The following WWTR1 variants were observed in gnomAD, a reference collection of about 807,000 sequenced individuals.
WWTR1 encodes the protein WW domain containing transcription regulator 1.
Under a neutral mutation model 40.1 loss-of-function variants are expected in WWTR1, and 13 were observed. That is an observed-to-expected ratio of 0.32 (90% CI 0.21 to 0.52). The LOEUF (loss-of-function observed/expected upper bound fraction) is 0.52, where lower values mean the gene tolerates loss of function less well. WWTR1 is among the 20% of genes least tolerant of loss of function. WWTR1 has a pLI of 0.97. For synonymous variants in WWTR1, 230 were observed against 210.1 expected, an observed-to-expected ratio of 1.09 and a Z score of -0.82; for missense variants, 436 against 523.1, an observed-to-expected ratio of 0.83 and a Z score of 1.63.
At chr3:149,673,309 A>G (rs1714155848) in intron 1 of WWTR1, among the ~76,000 whole-genome samples, 1 of 152,226 alleles carries the variant, frequency 6.6e-6, no homozygotes, top group Admixed American at 6.5e-5. Context: ...AATTTCATAG[A>G]AGTAGGTTTT....
At chr3:149,670,155 G>T (rs2108189619) in intron 1 of WWTR1, among the ~76,000 whole-genome samples, 2 of 152,348 alleles carry the variant, frequency 1.3e-5, no homozygotes, top group South Asian at 4.1e-4. Flanking sequence ...AACAGTGCAA[G>T]CAATTTTACA....
chr3:149,650,288 T>C (rs1416367026), intron 2 of WWTR1: 2 of 152,208 alleles, frequency 1.3e-5, no homozygotes, highest in African/African-American at 2.4e-5. Flanking sequence ...GGCCACACAA[T>C]TGGCATGAGA....
intron 2 of WWTR1, among the ~76,000 whole-genome samples, chr3:149,633,395 T>C (rs369139453): frequency 1.3e-5 from 2 of 152,068 alleles, no homozygotes; most frequent in African/African-American, 2.4e-5. Flanking sequence ...CTCTAAAAAA[T>C]AAAATATATA....
chr3:149,648,133 T>C (rs1712640136), intron 2 of WWTR1, among the ~76,000 whole-genome samples: 1 of 152,218 alleles, frequency 6.6e-6, no homozygotes, highest in Non-Finnish European at 1.5e-5. Context: ...GAGACTTCTC[T>C]GAACACCCAG....
intron 1 of WWTR1, among the ~76,000 whole-genome samples, chr3:149,670,206 A>T (rs1345999099): frequency 6.6e-6 from 1 of 152,208 alleles, no homozygotes; most frequent in African/African-American, 2.4e-5. Context: ...CTGTCCTCAC[A>T]GTGACTCTAT....
chr3:149,686,747 A>C (rs1476335486), intron 1 of WWTR1, among the ~76,000 whole-genome samples: 2 of 152,198 alleles, frequency 1.3e-5, no homozygotes, highest in Non-Finnish European at 2.9e-5. Flanking sequence ...GATAAATACT[A>C]AGCAGGCACT....
At chr3:149,563,360 C>T (rs1262464698) in intron 3 of WWTR1, among the ~76,000 whole-genome samples, 1 of 152,106 alleles carries the variant, frequency 6.6e-6, no homozygotes, top group Non-Finnish European at 1.5e-5. Context: ...ATTCTCAGGC[C>T]CACTCTCTGC....
intron 4 of WWTR1, among the ~76,000 whole-genome samples, chr3:149,534,858 T>C (rs150692554): frequency 1.3e-5 from 2 of 152,244 alleles, no homozygotes; most frequent in African/African-American, 4.8e-5. Context: ...ACGGGTGATG[T>C]GTAAAATAGC....
chr3:149,651,958 T>C (rs1351399810), intron 2 of WWTR1, among the ~76,000 whole-genome samples: 1 of 148,514 alleles, frequency 6.7e-6, no homozygotes, highest in Non-Finnish European at 1.5e-5. Context: ...GCCTCCTGAG[T>C]AGGACTACAG....
At chr3:149,652,325 C>T (rs1044491092) in intron 2 of WWTR1, among the ~76,000 whole-genome samples, 17 of 151,626 alleles carry the variant, frequency 1.1e-4, no homozygotes, top group African/African-American at 3.4e-4. Context: ...TCAAGAAATA[C>T]TATCCAAAGT....
At chr3:149,661,568 T>C (rs557480534), upstream of WWTR1, among the ~76,000 whole-genome samples, 4 of 151,714 alleles carry the variant, frequency 2.6e-5, no homozygotes, top group Non-Finnish European at 5.9e-5. Flanking sequence ...ACTACAGACG[T>C]GCACCACCAC....
intron 2 of WWTR1, among the ~76,000 whole-genome samples, chr3:149,622,037 C>T (rs1482362814): frequency 1.3e-5 from 2 of 152,178 alleles, no homozygotes; most frequent in Non-Finnish European, 2.9e-5. Flanking sequence ...CCCACACCCT[C>T]CTCCTGCACA....
upstream of WWTR1, among the ~76,000 whole-genome samples, chr3:149,704,528 G>T (rs146443820): frequency 2.6e-5 from 4 of 152,310 alleles, no homozygotes; most frequent in Non-Finnish European, 5.9e-5. Context: ...TTGAAAAAAG[G>T]CTTATATAAT....
intron 2 of WWTR1, among the ~76,000 whole-genome samples, chr3:149,627,597 A>T (rs898479201): frequency 6.6e-5 from 10 of 152,172 alleles, no homozygotes; most frequent in Non-Finnish European, 1.5e-4. Flanking sequence ...CCCCCAAATC[A>T]AGCTGGTCAA....
intron 3 of WWTR1, among the ~76,000 whole-genome samples, chr3:149,564,009 C>A (rs1167859712): frequency 5.3e-5 from 8 of 152,190 alleles, no homozygotes. Context: ...CCGCCTTGGC[C>A]TCCCAAAGCG....
intron 4 of WWTR1, among the ~76,000 whole-genome samples, chr3:149,535,358 C>A (rs1735777856): frequency 6.6e-6 from 1 of 151,990 alleles, no homozygotes; most frequent in Non-Finnish European, 1.5e-5. Context: ...TATTTACCTT[C>A]TTTACGGGGG....
At chr3:149,621,431 A>G (rs1204142943) in intron 2 of WWTR1, among the ~76,000 whole-genome samples, 1 of 152,160 alleles carries the variant, frequency 6.6e-6, no homozygotes, top group Non-Finnish European at 1.5e-5. Flanking sequence ...TGCTGTAATA[A>G]ATAAGGCCCC....
chr3:149,649,553 T>C (rs1046178941), intron 2 of WWTR1, among the ~76,000 whole-genome samples: 1 of 152,230 alleles, frequency 6.6e-6, no homozygotes, highest in African/African-American at 2.4e-5. Flanking sequence ...CTGCTATGCC[T>C]AGACGGAACA....
chr3:149,681,535 T>C (rs148385572), intron 1 of WWTR1, among the ~76,000 whole-genome samples: 1 of 152,334 alleles, frequency 6.6e-6, no homozygotes, highest in African/African-American at 2.4e-5. Flanking sequence ...GTGTTAGTTT[T>C]TTTGCTGTTG....
Sources: allele counts gnomAD v4.1 joint callset (sites outside exome capture counted in the v4.1 genomes callset), GRCh38; gene constraint gnomAD v4.1.1; transcripts MANE v1.5; gene names NCBI Gene and HGNC (gene_info 2026-07-23, HGNC 2026-07-21).